The following DOCK1 variants were observed in gnomAD, a reference collection of about 807,000 sequenced individuals.
DOCK1 encodes dedicator of cytokinesis protein 1.
In DOCK1, 138 loss-of-function variants were observed where a neutral mutation model predicts 262.7. That is an observed-to-expected ratio of 0.53 (90% CI 0.46 to 0.61). The LOEUF (loss-of-function observed/expected upper bound fraction) is 0.61, where lower values mean the gene tolerates loss of function less well. DOCK1 is among the 20% of genes least tolerant of loss of function. DOCK1 has a pLI of 0.00. For missense variants in DOCK1, 1,908 were observed against 2,370.7 expected, an observed-to-expected ratio of 0.80 and a Z score of 4.05; for synonymous variants, 866 against 867.4, an observed-to-expected ratio of 1.00 and a Z score of 0.03.
intron 6 of DOCK1, among the ~76,000 whole-genome samples, chr10:126,994,466 G>C (rs2040022685): frequency 6.6e-6 from 1 of 152,156 alleles, no homozygotes; most frequent in African/African-American, 2.4e-5. Context: ...AGGACCCTGC[G>C]GCCTTCCGCA....
In DOCK1 at chr10:127,008,763, A is replaced by G; in HGVS notation, c.1017A>G (p.Lys339=). The part of the protein sequence containing the change: ...VMDVTDIING[K]VDDEDKQHFI... ...ATGTAACAGATATAATAAATGGAAA[A>G]GTAGATGATGAAGATAAGCAGCATT... Residue 339 remains lysine (K), a synonymous_variant, in exon 11 of 52, where the codon AAA becomes AAG. Transcript: ENST00000623213. 1 of 1,600,218 alleles carries G rather than the reference A, an allele frequency of 6.2e-7. No homozygotes were observed. Among genetic ancestry groups the G allele is most frequent in the South Asian group, 1.1e-5 (1 of 88,084 alleles).
At chr10:127,312,560 G>A (rs972051061) in intron 29 of DOCK1, among the ~76,000 whole-genome samples, 24 of 152,080 alleles carry the variant, frequency 1.6e-4, no homozygotes, top group African/African-American at 5.6e-4. Context: ...TGACTGGTGT[G>A]CACTGGGCCA....
chr10:127,298,217 T>A (rs932809815), intron 29 of DOCK1, among the ~76,000 whole-genome samples: 1 of 152,198 alleles, frequency 6.6e-6, no homozygotes, highest in Non-Finnish European at 1.5e-5. Context: ...ACAAATAATA[T>A]CTATATGCTA....
intron 21 of DOCK1, among the ~76,000 whole-genome samples, chr10:127,051,622 G>A (rs1262126845): frequency 1.3e-5 from 2 of 151,946 alleles, no homozygotes; most frequent in Admixed American, 6.6e-5. Context: ...CACTCTTGTC[G>A]TCCATGCTGG....
chr10:127,382,682 A>G (rs1215541787), intron 37 of DOCK1, among the ~76,000 whole-genome samples: 2 of 152,142 alleles, frequency 1.3e-5, no homozygotes, highest in Non-Finnish European at 2.9e-5. Flanking sequence ...TGTTTTTTGC[A>G]AATGTGAAGC....
chr10:126,909,966 T>G (rs904986163), intron 1 of DOCK1, among the ~76,000 whole-genome samples: 5 of 152,234 alleles, frequency 3.3e-5, no homozygotes, highest in Non-Finnish European at 5.9e-5. Context: ...ATTTGCTCAG[T>G]GTGAGGAGCC....
intron 23 of DOCK1, among the ~76,000 whole-genome samples, chr10:127,102,375 G>T (rs2048302352): frequency 6.6e-6 from 1 of 152,132 alleles, no homozygotes; most frequent in Non-Finnish European, 1.5e-5. Context: ...TGTCTGACAG[G>T]TGCAGAATAC....
chr10:127,252,483 AT>A (rs1407354512), intron 28 of DOCK1, among the ~76,000 whole-genome samples: 1 of 137,136 alleles, frequency 7.3e-6, no homozygotes, highest in Non-Finnish European at 1.6e-5. Flanking sequence ...CTGAATGGTA[AT>A]GCCTAGGTTT....
At chr10:127,232,642 A>G (rs374453176) in intron 27 of DOCK1, among the ~76,000 whole-genome samples, 1 of 152,170 alleles carries the variant, frequency 6.6e-6, no homozygotes, top group African/African-American at 2.4e-5. Context: ...CATTTAACCA[A>G]TCAACCTAGA....
chr10:126,958,333 TA>T (rs1251219770), intron 1 of DOCK1, among the ~76,000 whole-genome samples: 3 of 152,186 alleles, frequency 2.0e-5, no homozygotes, highest in Non-Finnish European at 4.4e-5. Context: ...GGTCTTTGTG[TA>T]ATACGCAGGA....
At chr10:127,273,451 C>T (rs1255889694) in intron 29 of DOCK1, among the ~76,000 whole-genome samples, 1 of 152,224 alleles carries the variant, frequency 6.6e-6, no homozygotes, top group Non-Finnish European at 1.5e-5. Flanking sequence ...CAGCTGTCCC[C>T]AGTGTCCCTT....
chr10:127,015,262 TG>T (rs1650434666), intron 12 of DOCK1: 1 of 152,044 alleles, frequency 6.6e-6, no homozygotes, highest in African/African-American at 2.4e-5. Flanking sequence ...CATCTGTCTC[TG>T]TCTATGTGGC....
intron 7 of DOCK1, 173 bp from the exon 8 acceptor site, chr10:126,997,919 T>A (rs914205881): frequency 2.6e-6 from 2 of 782,602 alleles, no homozygotes; most frequent in Admixed American, 5.8e-5. Flanking sequence ...TTGTCTGTTG[T>A]GTGAATGCAT....
chr10:127,327,431 G>A (rs1222184569), intron 29 of DOCK1, among the ~76,000 whole-genome samples: 2 of 152,124 alleles, frequency 1.3e-5, no homozygotes, highest in African/African-American at 4.8e-5. Flanking sequence ...TCAACCTCTG[G>A]TAGCTTCAAA....
In DOCK1 at chr10:127,161,318, C is replaced by T. The variant is rs188806507; in HGVS notation, c.2847+33554C>T. Reference sequence around the variant, plus strand: ...ATGAAGTTGATTTTCATAACCAACTCCCAGGATCACCCCTTCATTAGTCAA... The same window carrying T: ...ATGAAGTTGATTTTCATAACCAACTTCCAGGATCACCCCTTCATTAGTCAA... On this transcript the variant is annotated intron_variant, in intron 27 of 51. Transcript: ENST00000623213. Among the ~76,000 whole-genome samples the T allele has an allele frequency of 3.5e-3, 535 of 152,250 alleles. 2 individuals are homozygous for T. Among genetic ancestry groups the T allele is most frequent in the Non-Finnish European group, 3.7e-3 (249 of 68,026 alleles).
intron 29 of DOCK1, among the ~76,000 whole-genome samples, chr10:127,306,426 C>T (rs969643300): frequency 1.3e-5 from 2 of 152,172 alleles, no homozygotes; most frequent in African/African-American, 4.8e-5. Context: ...CCGATTTCAT[C>T]TGAATGGACT....
intron 44 of DOCK1, among the ~76,000 whole-genome samples, chr10:127,416,048 A>G (rs2068131190): frequency 6.6e-6 from 1 of 152,208 alleles, no homozygotes; most frequent in Non-Finnish European, 1.5e-5. Context: ...AGGGGCCGGC[A>G]TCTCTCTGCC....
At chr10:127,107,739 C>G (rs779608465) in intron 24 of DOCK1, among the ~76,000 whole-genome samples, 1 of 152,202 alleles carries the variant, frequency 6.6e-6, no homozygotes, top group Non-Finnish European at 1.5e-5. Flanking sequence ...CCTCCCTCCC[C>G]GTGCAGGTGC....
At chr10:126,962,536 A>T (rs1419002632) in intron 1 of DOCK1, among the ~76,000 whole-genome samples, 1 of 152,088 alleles carries the variant, frequency 6.6e-6, no homozygotes, top group Non-Finnish European at 1.5e-5. Context: ...ACCTCAAGTG[A>T]TCCACCTGCC....
Sources: allele counts gnomAD v4.1 joint callset (sites outside exome capture counted in the v4.1 genomes callset), GRCh38; gene constraint gnomAD v4.1.1; transcripts MANE v1.5; gene names NCBI Gene and HGNC (gene_info 2026-07-23, HGNC 2026-07-21).